The following PCDH7 variants were observed in gnomAD, a reference collection of about 807,000 sequenced individuals.
PCDH7 encodes protocadherin 7, also known as protocadherin-7.
In PCDH7, 17 loss-of-function variants were observed where a neutral mutation model predicts 58.9. The ratio of observed to expected loss-of-function variants is 0.29; its 90% CI spans 0.20 to 0.43. The LOEUF is 0.43. Among genes scored for constraint, PCDH7 ranks in the 20% least tolerant of loss-of-function variants. The probability of loss-of-function intolerance (pLI) is 1.00; values close to 1 mark genes in which losing one functional copy is unlikely to be tolerated. For missense variants in PCDH7, 1,274 were observed against 1,441.0 expected, an observed-to-expected ratio of 0.88 and a Z score of 1.88; for synonymous variants, 664 against 616.4, an observed-to-expected ratio of 1.08 and a Z score of -1.14.
At chr4:31,032,739 C>T (rs972884555) in intron 3 of PCDH7, among the ~76,000 whole-genome samples, 7 of 145,938 alleles carry the variant, frequency 4.8e-5, no homozygotes, top group Admixed American at 1.4e-4. Flanking sequence ...CATGTCATTG[C>T]GAGCACTTGA....
chr4:30,995,852 C>T (rs1256424536), intron 3 of PCDH7, among the ~76,000 whole-genome samples: 20 of 152,108 alleles, frequency 1.3e-4, no homozygotes, highest in Admixed American at 1.3e-3. Context: ...CCCTCCCTGC[C>T]TCCATCTTCT....
intron 1 of PCDH7, among the ~76,000 whole-genome samples, chr4:30,816,199 G>A (rs905688094): frequency 6.6e-6 from 1 of 151,998 alleles, no homozygotes; most frequent in Admixed American, 6.6e-5. Context: ...AGCTTCAAAT[G>A]TGCTTTAAAA....
chr4:30,978,682 C>G (rs573470359), intron 3 of PCDH7, among the ~76,000 whole-genome samples: 2 of 152,196 alleles, frequency 1.3e-5, no homozygotes, highest in East Asian at 1.9e-4. Flanking sequence ...ACACCATTAT[C>G]GGGCAATATT....
chr4:31,017,988 G>A (rs1753752065), intron 3 of PCDH7, among the ~76,000 whole-genome samples: 2 of 152,036 alleles, frequency 1.3e-5, no homozygotes, highest in Admixed American at 1.3e-4. Flanking sequence ...TTTCAGTCTT[G>A]TTTTAATTAT....
At chr4:30,968,426 G>T (rs1274840820) in intron 3 of PCDH7, among the ~76,000 whole-genome samples, 2 of 107,486 alleles carry the variant, frequency 1.9e-5, no homozygotes, top group East Asian at 3.1e-4. Flanking sequence ...GGGATATTAT[G>T]TCAGAATTAA....
At chr4:30,898,266 T>C (rs1341395259) in intron 1 of PCDH7, among the ~76,000 whole-genome samples, 1 of 152,148 alleles carries the variant, frequency 6.6e-6, no homozygotes, top group Admixed American at 6.5e-5. Context: ...CCTGAAGGAA[T>C]TTTAAAACCC....
At chr4:30,900,003 T>C (rs958921642) in intron 1 of PCDH7, among the ~76,000 whole-genome samples, 15 of 152,226 alleles carry the variant, frequency 9.9e-5, no homozygotes, top group African/African-American at 3.6e-4. Context: ...TTGGTGTGCA[T>C]CATGATCATC....
intron 3 of PCDH7, among the ~76,000 whole-genome samples, chr4:31,008,101 A>G (rs1219932175): frequency 2.0e-5 from 3 of 152,168 alleles, no homozygotes; most frequent in Non-Finnish European, 2.9e-5. Flanking sequence ...ATGAGATATT[A>G]AGACAGAAGG....
exon 1 of PCDH7, chr4:30,724,120 A>T: frequency 1.2e-6 from 2 of 1,614,048 alleles, no homozygotes; most frequent in Non-Finnish European, 8.5e-7. Context: ...AATTGTAGTG[A>T]TGGCAAGGTA....
At chr4:30,932,721 C>T (rs967878675) in intron 2 of PCDH7, among the ~76,000 whole-genome samples, 1 of 152,104 alleles carries the variant, frequency 6.6e-6, no homozygotes, top group Non-Finnish European at 1.5e-5. Context: ...TACAGAGTGG[C>T]CTCTGGGTGG....
At chr4:30,919,142 T>G (rs896303221) in intron 1 of PCDH7, among the ~76,000 whole-genome samples, 3 of 152,158 alleles carry the variant, frequency 2.0e-5, no homozygotes, top group Non-Finnish European at 4.4e-5. Flanking sequence ...TTCTGACATT[T>G]TCAAATTCAT....
chr4:31,027,076 C>T (rs1754496434), intron 3 of PCDH7, among the ~76,000 whole-genome samples: 1 of 152,136 alleles, frequency 6.6e-6, no homozygotes, highest in Admixed American at 6.5e-5. Context: ...AACTTTCGTT[C>T]ATGATTTGCC....
In PCDH7 at chr4:30,928,029, G is replaced by T. The variant is rs549326383; in HGVS notation, c.287+7660G>T. On this transcript the variant is annotated intron_variant, in intron 2 of 3. Transcript: ENST00000509759. The stretch of plus-strand genomic sequence containing the variant: ...CTTGCTCTGTAGCCCTGGCCAGAGT[G>T]CAGTGGCACATTCTTGGCTCACTAC... Among the ~76,000 whole-genome samples, 24 of 152,262 alleles carry T rather than the reference G, an allele frequency of 1.6e-4. No homozygotes were observed. The East Asian group carries it at 3.9e-3, about 25-fold the overall frequency.
chr4:30,813,870 G>C (rs758676845), intron 1 of PCDH7, among the ~76,000 whole-genome samples: 1 of 152,100 alleles, frequency 6.6e-6, no homozygotes, highest in Non-Finnish European at 1.5e-5. Context: ...TCGAACTCCT[G>C]ACCTCGTGAT....
At position 30,877,507 on chromosome 4, in the gene PCDH7, G is replaced by A. The variant is rs537058223; in HGVS notation, c.71-42646G>A. ...GTGTAATAAAAATAAAATAAAATACGGTTTGAACTGAAGGAAAGGAGGCAG... is the reference window on the plus strand; with the variant it reads ...GTGTAATAAAAATAAAATAAAATACAGTTTGAACTGAAGGAAAGGAGGCAG... On this transcript the variant is annotated intron_variant, in intron 1 of 3. Transcript: ENST00000509759. Among the ~76,000 whole-genome samples, 25 of 152,196 alleles carry A rather than the reference G, an allele frequency of 1.6e-4. 1 individual carries two copies. In the South Asian group the frequency reaches 4.4e-3, roughly 27 times the overall value.
At chr4:31,131,998 G>A (rs530551404) in intron 3 of PCDH7, among the ~76,000 whole-genome samples, 1 of 152,192 alleles carries the variant, frequency 6.6e-6, no homozygotes, top group Non-Finnish European at 1.5e-5. Context: ...GAACTTCAAT[G>A]TGATTCATTT....
chr4:30,964,410 T>A (rs1748798333), intron 3 of PCDH7, among the ~76,000 whole-genome samples: 1 of 151,670 alleles, frequency 6.6e-6, no homozygotes, highest in Non-Finnish European at 1.5e-5. Context: ...CCCCACTAAT[T>A]TTTTGTATTT....
chr4:31,087,758 G>GA (rs1213819842), intron 3 of PCDH7, among the ~76,000 whole-genome samples: 2 of 152,062 alleles, frequency 1.3e-5, no homozygotes, highest in Non-Finnish European at 2.9e-5. Context: ...TTTGCATTCA[G>GA]ACGAATTACA....
intron 1 of PCDH7, among the ~76,000 whole-genome samples, chr4:30,774,002 T>G (rs1374866759): frequency 6.6e-6 from 1 of 152,226 alleles, no homozygotes; most frequent in Non-Finnish European, 1.5e-5. Flanking sequence ...TGGTACCACA[T>G]GCTTCTAAGT....
Sources: gnomAD v4.1 joint callset for allele counts (sites outside exome capture counted in the v4.1 genomes callset) on GRCh38, gnomAD v4.1.1 for gene constraint, MANE v1.5 for transcripts, NCBI Gene and HGNC (gene_info 2026-07-23, HGNC 2026-07-21) for gene names.